Variants in AMZ1 observed in about 807,000 individuals in gnomAD.
AMZ1 encodes archaelysin family metallopeptidase 1.
Under a neutral mutation model 29.9 loss-of-function variants are expected in AMZ1, and 39 were observed. The observed-to-expected ratio is 1.30, with a 90% CI of 1.01 to 1.70. The LOEUF (loss-of-function observed/expected upper bound fraction) is 1.70. AMZ1 is among the 40% of genes most tolerant of loss of function. The probability of loss-of-function intolerance (pLI) is 0.00; values close to 1 mark genes in which losing one functional copy is unlikely to be tolerated. For synonymous variants in AMZ1, 458 were observed against 304.0 expected (o/e 1.51, Z -5.27); for missense variants, 1,041 against 680.6 (o/e 1.53, Z -5.89).
At chr7:2,743,765 T>C (rs564468897) in intron 4 of AMZ1, among the ~76,000 whole-genome samples, 1 of 152,288 alleles carries the variant, frequency 6.6e-6, no homozygotes, top group South Asian at 2.1e-4. Context: ...GGGAATTCCC[T>C]TTCCTACTCA....
intron 4 of AMZ1, among the ~76,000 whole-genome samples, chr7:2,748,656 A>T (rs1346701911): frequency 6.6e-6 from 1 of 152,362 alleles, no homozygotes; most frequent in East Asian, 1.9e-4. Context: ...CAAAATTGAC[A>T]AATGGGATCT....
intron 4 of AMZ1, among the ~76,000 whole-genome samples, chr7:2,754,782 A>C (rs1791212002): frequency 6.6e-6 from 1 of 152,096 alleles, no homozygotes; most frequent in Non-Finnish European, 1.5e-5. Context: ...AACATTTCAA[A>C]TTTTGATGAA....
At chr7:2,711,739 TTTTA>T (rs1462465678) in intron 6 of AMZ1, among the ~76,000 whole-genome samples, 1 of 152,166 alleles carries the variant, frequency 6.6e-6, no homozygotes. Context: ...AAATTTTAAA[TTTTA>T]TTTAATTATA....
intron 4 of AMZ1, among the ~76,000 whole-genome samples, chr7:2,754,801 G>A (rs1016583911): frequency 1.3e-5 from 2 of 152,154 alleles, no homozygotes; most frequent in Non-Finnish European, 2.9e-5. Context: ...AAACAAAAAT[G>A]ACCGTTTCTC....
chr7:2,691,569 C>G (rs897102787), intron 1 of AMZ1, among the ~76,000 whole-genome samples: 1 of 147,658 alleles, frequency 6.8e-6, no homozygotes, highest in Non-Finnish European at 1.5e-5. Context: ...GGTGAAACCT[C>G]GTTTCTACTA....
chr7:2,709,861 C>T (rs372301799), intron 6 of AMZ1, 45 bp downstream of exon 6: 120 of 1,596,754 alleles, frequency 7.5e-5, no homozygotes, highest in South Asian at 5.1e-4. Flanking sequence ...ACCTGCGCTC[C>T]GGAGGCCCGC....
chr7:2,725,309 G>T (rs1289848579), intron 4 of AMZ1, among the ~76,000 whole-genome samples: 2 of 152,218 alleles, frequency 1.3e-5, no homozygotes, highest in African/African-American at 4.8e-5. Flanking sequence ...CTCCTAGAAG[G>T]GGCTGCCCTG....
chr7:2,703,152 T>C (rs1354626496), intron 3 of AMZ1, among the ~76,000 whole-genome samples: 1 of 152,034 alleles, frequency 6.6e-6, no homozygotes, highest in Non-Finnish European at 1.5e-5. Flanking sequence ...CCTTCTTTTT[T>C]TGTTATTTTT....
chr7:2,704,209 C>T (rs1355577535), intron 3 of AMZ1, among the ~76,000 whole-genome samples: 2 of 152,138 alleles, frequency 1.3e-5, no homozygotes, highest in East Asian at 1.9e-4. Flanking sequence ...TACTCTTAAA[C>T]CCATATATTG....
intron 1 of AMZ1, among the ~76,000 whole-genome samples, chr7:2,693,831 A>C (rs1415536976): frequency 1.3e-5 from 2 of 152,240 alleles, no homozygotes; most frequent in Non-Finnish European, 2.9e-5. Flanking sequence ...CTGAGAATGC[A>C]GGCATGGGCC....
In AMZ1 at chr7:2,700,381, T is replaced by G. The variant is rs798473; in HGVS notation, c.-71T>G. ...CGAGGGAAGATTCTGGACGAGACCG[T>G]GGCCGTCCCCCGGGTGGCCCATGGA... On this transcript the variant is annotated 5_prime_UTR_variant, in exon 2 of 7. Coordinates refer to ENST00000683327, the MANE Select transcript of AMZ1 (RefSeq NM_001384743.1). 0.56 allele frequency: 853,866 copies of G among 1,524,184 alleles called. 241,407 individuals are homozygous for G. The highest frequency in any genetic ancestry group is 0.76 in the East Asian group (33,314 of 43,984). 94.4% of individuals were successfully genotyped at this position (1,524,184 alleles called of 1,614,324 possible).
chr7:2,751,577 C>T (rs931762290), intron 4 of AMZ1, among the ~76,000 whole-genome samples: 3 of 151,984 alleles, frequency 2.0e-5, no homozygotes, highest in African/African-American at 7.2e-5. Flanking sequence ...AAACAATTAA[C>T]AAGGCCAAAT....
Position 2,712,800 on chromosome 7 carries a change from CCTGAGGAGGAAG to C in AMZ1, c.1425_1436del (p.Arg475_Leu478del). On this transcript the variant is annotated inframe_deletion, in exon 7 of 7. Transcript: ENST00000683327. ...AGGTGCTGGGGGACAAGTTCTCCTC[CCTGAGGAGGAAG>C]CTGAGTGCCCGAAAACTCGCCAGAG... is the stretch of plus-strand genomic sequence containing the variant. 1 of 1,548,648 alleles carries C rather than the reference CCTGAGGAGGAAG, an allele frequency of 6.5e-7. No homozygotes were observed. Among genetic ancestry groups the C allele is most frequent in the African/African-American group, 1.4e-5 (1 of 73,314 alleles).
At chr7:2,696,565 T>C (rs904681416) in intron 1 of AMZ1, among the ~76,000 whole-genome samples, 15 of 150,540 alleles carry the variant, frequency 1.0e-4, no homozygotes, top group Non-Finnish European at 1.5e-4. Flanking sequence ...CCAATAGTCA[T>C]TTTTATCTGC....
chr7:2,690,916 A>C (rs1787347885), intron 1 of AMZ1, among the ~76,000 whole-genome samples: 1 of 151,584 alleles, frequency 6.6e-6, no homozygotes, highest in Non-Finnish European at 1.5e-5. Flanking sequence ...CGAGGCAGGC[A>C]GACCACTTGA....
intron 3 of AMZ1, among the ~76,000 whole-genome samples, chr7:2,707,030 T>C (rs934750126): frequency 6.6e-6 from 1 of 152,086 alleles, no homozygotes; most frequent in Non-Finnish European, 1.5e-5. Flanking sequence ...ATCCCAGCAC[T>C]TTGGGAGACC....
At chr7:2,763,020 C>T, upstream of AMZ1, 1 of 1,279,216 alleles carries the variant, frequency 7.8e-7, no homozygotes, top group Non-Finnish European at 9.8e-7. Context: ...CCCCGCCGGC[C>T]ACTGGCCCAG....
At chr7:2,685,689 C>T (rs779140861), upstream of AMZ1, among the ~76,000 whole-genome samples, 2 of 151,696 alleles carry the variant, frequency 1.3e-5, no homozygotes, top group Non-Finnish European at 2.9e-5. Context: ...CCCATCTCTA[C>T]TAAAAACACA....
At chr7:2,744,807 T>G (rs1441628740) in intron 4 of AMZ1, among the ~76,000 whole-genome samples, 1 of 151,984 alleles carries the variant, frequency 6.6e-6, no homozygotes, top group Admixed American at 6.6e-5. Flanking sequence ...GAATAACCAA[T>G]GCAGAGAAGT....
Sources: allele counts gnomAD v4.1 joint callset (sites outside exome capture counted in the v4.1 genomes callset), GRCh38; gene constraint gnomAD v4.1.1; transcripts MANE v1.5; gene names NCBI Gene and HGNC (gene_info 2026-07-23, HGNC 2026-07-21).